The following OPCML variants were observed in gnomAD, a reference collection of about 807,000 sequenced individuals.
The protein encoded by OPCML is opioid binding protein/cell adhesion molecule like.
A neutral mutation model predicts 37.8 loss-of-function variants in OPCML; 13 were observed. The observed-to-expected ratio is 0.34, with a 90% CI of 0.22 to 0.55. The LOEUF (loss-of-function observed/expected upper bound fraction) is 0.55, where lower values mean the gene tolerates loss of function less well. Ranked by LOEUF, OPCML falls within the 20% of genes least tolerant of loss-of-function variation. The probability of loss-of-function intolerance (pLI) is 0.91; values close to 1 mark genes in which losing one functional copy is unlikely to be tolerated. For missense variants in OPCML, 341 were observed against 435.6 expected, an observed-to-expected ratio of 0.78 and a Z score of 1.93; for synonymous variants, 176 against 168.8, an observed-to-expected ratio of 1.04 and a Z score of -0.33.
intron 4 of OPCML, among the ~76,000 whole-genome samples, chr11:132,490,384 G>A (rs1445004230): frequency 4.6e-5 from 7 of 151,946 alleles, no homozygotes; most frequent in East Asian, 3.9e-4. Context: ...TCTCAAAGGC[G>A]CTGCCTTTTC....
At chr11:133,140,967 A>AGACGACGAC (rs1565468772) in intron 1 of OPCML, among the ~76,000 whole-genome samples, 1 of 2,712 alleles carries the variant, frequency 3.7e-4, no homozygotes, top group Non-Finnish European at 1.6e-3. Flanking sequence ...AAGAAGAAGA[A>AGACGACGAC]GAAGAAGAAG....
intron 1 of OPCML, among the ~76,000 whole-genome samples, chr11:133,030,161 T>G (rs564634398): frequency 6.6e-6 from 1 of 152,266 alleles, no homozygotes; most frequent in South Asian, 2.1e-4. Context: ...TAAGTGAACT[T>G]TCTCATTACA....
At chr11:132,522,627 T>C (rs1019305980) in intron 4 of OPCML, among the ~76,000 whole-genome samples, 3 of 152,206 alleles carry the variant, frequency 2.0e-5, no homozygotes, top group Non-Finnish European at 4.4e-5. Flanking sequence ...ATTCCTAAAA[T>C]AAACTGATAA....
chr11:132,559,561 T>C (rs1005248880), intron 3 of OPCML, among the ~76,000 whole-genome samples: 3 of 152,144 alleles, frequency 2.0e-5, no homozygotes, highest in Admixed American at 6.5e-5. Flanking sequence ...CTTTTTTCTC[T>C]TCAATTTTTT....
intron 1 of OPCML, among the ~76,000 whole-genome samples, chr11:133,202,311 T>C (rs1262616702): frequency 6.6e-6 from 1 of 152,208 alleles, no homozygotes; most frequent in Non-Finnish European, 1.5e-5. Context: ...ATTTTCCCTC[T>C]GCCACCAATT....
intron 1 of OPCML, among the ~76,000 whole-genome samples, chr11:133,012,857 T>A (rs1165415747): frequency 5.4e-5 from 7 of 128,942 alleles, no homozygotes; most frequent in East Asian, 4.6e-4. Context: ...GCAACAGCAG[T>A]GAAACTCCAT....
intron 1 of OPCML, among the ~76,000 whole-genome samples, chr11:133,388,976 G>A (rs1330792796): frequency 6.6e-6 from 1 of 152,184 alleles, no homozygotes; most frequent in South Asian, 2.1e-4. Flanking sequence ...TTGCAGATGA[G>A]GAAACTGAGG....
At chr11:133,112,919 G>A (rs1394205908) in intron 1 of OPCML, among the ~76,000 whole-genome samples, 1 of 152,112 alleles carries the variant, frequency 6.6e-6, no homozygotes, top group Non-Finnish European at 1.5e-5. Context: ...AGCCCCAGAG[G>A]AAAGGTCAGA....
intron 1 of OPCML, among the ~76,000 whole-genome samples, chr11:132,987,451 G>A (rs1390782688): frequency 6.6e-6 from 1 of 152,152 alleles, no homozygotes; most frequent in Non-Finnish European, 1.5e-5. Context: ...AGTGGGACCA[G>A]ACAGAAATAA....
chr11:132,892,252 T>C (rs1265234134), intron 2 of OPCML, among the ~76,000 whole-genome samples: 1 of 151,886 alleles, frequency 6.6e-6, no homozygotes, highest in Non-Finnish European at 1.5e-5. Context: ...CCCTAGAAAA[T>C]TAGAATAGAT....
intron 1 of OPCML, among the ~76,000 whole-genome samples, chr11:133,179,667 G>A (rs755672495): frequency 5.8e-4 from 89 of 152,166 alleles, no homozygotes; most frequent in African/African-American, 7.5e-4. Flanking sequence ...AAGAGGGACT[G>A]TGACCACTGA....
At chr11:132,628,826 A>T (rs763623143) in intron 3 of OPCML, among the ~76,000 whole-genome samples, 5 of 152,104 alleles carry the variant, frequency 3.3e-5, no homozygotes, top group Non-Finnish European at 7.4e-5. Context: ...TGCTGGTTTT[A>T]TAAGCAGCTT....
At position 132,699,960 on chromosome 11, in the gene OPCML, C is replaced by G. The variant is rs561078654; in HGVS notation, c.147-42641G>C. 3.9e-4 allele frequency among the ~76,000 whole-genome samples: 60 copies of G among 152,028 alleles called. No homozygotes were observed. The South Asian group carries it at 7.1e-3, about 18-fold the overall frequency. On this transcript the variant is annotated intron_variant, in intron 2 of 7. Transcript: ENST00000524381. ...CATTTAGTATAATTCACCAGTGAAG[C>G]CATCAGATCTTGGGCTTTTCTTTTT...
chr11:133,492,712 CAA>C (rs10688841), intron 1 of OPCML, among the ~76,000 whole-genome samples: 12 of 126,818 alleles, frequency 9.5e-5, no homozygotes, highest in African/African-American at 2.7e-4. Context: ...CAATTACTGC[CAA>C]AAAAAAAAAA....
chr11:133,229,316 T>C (rs1241688701), intron 1 of OPCML, among the ~76,000 whole-genome samples: 1 of 152,206 alleles, frequency 6.6e-6, no homozygotes, highest in African/African-American at 2.4e-5. Context: ...GGTCTGAAAA[T>C]ATTATTTGGA....
At chr11:132,583,057 T>C (rs1036086787) in intron 3 of OPCML, among the ~76,000 whole-genome samples, 1 of 151,896 alleles carries the variant, frequency 6.6e-6, no homozygotes, top group African/African-American at 2.4e-5. Flanking sequence ...TTGGTTTTTT[T>C]GTTTTGTTTT....
chr11:133,173,303 A>G lies in OPCML; in HGVS notation c.62-230293T>C, dbSNP rs1211470463. 6.6e-6 allele frequency among the ~76,000 whole-genome samples: 1 copy of G among 152,218 alleles called. No homozygotes were observed. Among genetic ancestry groups the G allele is most frequent in the Non-Finnish European group, 1.5e-5 (1 of 68,042 alleles). Reference sequence around the variant, plus strand: ...TACAGCTATAATAACATGATTATTTAATATGTTTAATATCTGTCTCTACTT... The same window carrying G: ...TACAGCTATAATAACATGATTATTTGATATGTTTAATATCTGTCTCTACTT... On this transcript the variant is annotated intron_variant, in intron 1 of 7. Transcript: ENST00000524381. The surrounding 1 kb of genome is among the most constrained non-coding windows in gnomAD (Gnocchi z 7.8).
At chr11:132,455,767 ATTC>A (rs2096080795) in intron 4 of OPCML, among the ~76,000 whole-genome samples, 1 of 108,590 alleles carries the variant, frequency 9.2e-6, no homozygotes, top group Non-Finnish European at 2.0e-5. Flanking sequence ...TGTCAAATTC[ATTC>A]ATTCATTCAT....
At chr11:133,028,647 C>A (rs748078638) in intron 1 of OPCML, among the ~76,000 whole-genome samples, 5 of 151,650 alleles carry the variant, frequency 3.3e-5, no homozygotes, top group African/African-American at 4.8e-5. Flanking sequence ...ATTTGTCTGG[C>A]AACCATATGC....
Sources: gnomAD v4.1 joint callset for allele counts (sites outside exome capture counted in the v4.1 genomes callset) on GRCh38, gnomAD v4.1.1 for gene constraint, Gnocchi (gnomAD v3.1) non-coding constraint, MANE v1.5 for transcripts, NCBI Gene and HGNC (gene_info 2026-07-23, HGNC 2026-07-21) for gene names.